PLCH1: variants seen among roughly 807,000 people sequenced by gnomAD.
PLCH1 encodes 1-phosphatidylinositol 4,5-bisphosphate phosphodiesterase eta-1.
PLCH1 carries 60 observed loss-of-function variants against 126.7 expected under a neutral mutation model. The ratio of observed to expected loss-of-function variants is 0.47; its 90% CI spans 0.38 to 0.59. The LOEUF (loss-of-function observed/expected upper bound fraction) is 0.59, where lower values mean the gene tolerates loss of function less well. Among genes scored for constraint, PLCH1 ranks in the 20% least tolerant of loss-of-function variants. The probability of loss-of-function intolerance (pLI) is 0.00; values close to 1 mark genes in which losing one functional copy is unlikely to be tolerated. For missense variants in PLCH1, 1,723 were observed against 2,040.0 expected (o/e 0.84, Z 2.99); for synonymous variants, 719 against 734.9 (o/e 0.98, Z 0.35).
intron 21 of PLCH1, among the ~76,000 whole-genome samples, chr3:155,472,531 C>T (rs1244431893): frequency 7.3e-5 from 11 of 151,540 alleles, no homozygotes; most frequent in African/African-American, 2.7e-4. Flanking sequence ...CCTTCTGAAA[C>T]TATTCCAATC....
chr3:155,646,575 T>G (rs1399721814), intron 2 of PLCH1, among the ~76,000 whole-genome samples: 1 of 152,198 alleles, frequency 6.6e-6, no homozygotes, highest in Non-Finnish European at 1.5e-5. Flanking sequence ...TAATGAGAGT[T>G]CCCTAAAGTC....
intron 1 of PLCH1, among the ~76,000 whole-genome samples, chr3:155,710,909 A>C (rs1669582983): frequency 6.6e-6 from 1 of 151,958 alleles, no homozygotes; most frequent in Non-Finnish European, 1.5e-5. Flanking sequence ...AAACTAAAAA[A>C]AAAAAATGTT....
chr3:155,680,938 A>G (rs972820496), intron 2 of PLCH1, among the ~76,000 whole-genome samples: 1 of 152,172 alleles, frequency 6.6e-6, no homozygotes, highest in Non-Finnish European at 1.5e-5. Flanking sequence ...ATACTAAGTG[A>G]AAAAAGGAGG....
chr3:155,564,589 A>T (rs536112305), intron 8 of PLCH1, among the ~76,000 whole-genome samples: 174 of 152,238 alleles, frequency 1.1e-3, no homozygotes, highest in African/African-American at 4.1e-3. Flanking sequence ...TTAAAAAATT[A>T]AAAAATAAAA....
intron 2 of PLCH1, among the ~76,000 whole-genome samples, chr3:155,597,762 C>T (rs1484639240): frequency 2.6e-5 from 4 of 152,090 alleles, no homozygotes; most frequent in Non-Finnish European, 4.4e-5. Context: ...CTTTCCTTTC[C>T]TCAAAGAAAT....
intron 6 of PLCH1, among the ~76,000 whole-genome samples, chr3:155,577,189 G>T (rs1730081855): frequency 6.6e-6 from 1 of 152,116 alleles, no homozygotes; most frequent in East Asian, 1.9e-4. Flanking sequence ...GAGCTCAGGA[G>T]TTGGAGTTTA....
intron 2 of PLCH1, among the ~76,000 whole-genome samples, chr3:155,655,748 G>T (rs1019576407): frequency 6.6e-6 from 1 of 152,212 alleles, no homozygotes; most frequent in East Asian, 1.9e-4. Flanking sequence ...TGGGGACTTA[G>T]GAGTGGTAGA....
At chr3:155,595,458 G>T (rs1732864337) in intron 3 of PLCH1, among the ~76,000 whole-genome samples, 1 of 152,130 alleles carries the variant, frequency 6.6e-6, no homozygotes. Flanking sequence ...ACAGGGAAAT[G>T]AGCCTATGCT....
intron 2 of PLCH1, among the ~76,000 whole-genome samples, chr3:155,644,539 G>GTCCT (rs1321008180): frequency 1.3e-5 from 2 of 152,160 alleles, no homozygotes; most frequent in Non-Finnish European, 2.9e-5. Context: ...GGAGGCGGAA[G>GTCCT]TTGCAGAGAG....
At chr3:155,529,516 C>A (rs1243237555) in intron 10 of PLCH1, among the ~76,000 whole-genome samples, 1 of 151,980 alleles carries the variant, frequency 6.6e-6, no homozygotes, top group Non-Finnish European at 1.5e-5. Context: ...TTTGGTCTCC[C>A]AGTGAATATA....
chr3:155,700,915 T>C (rs1461483580), intron 2 of PLCH1, among the ~76,000 whole-genome samples: 2 of 152,210 alleles, frequency 1.3e-5, no homozygotes, highest in African/African-American at 4.8e-5. Context: ...TGCAAACATA[T>C]CAGAAGAATA....
downstream of PLCH1, among the ~76,000 whole-genome samples, chr3:155,478,044 C>G (rs1476820552): frequency 6.6e-6 from 1 of 152,214 alleles, no homozygotes; most frequent in Non-Finnish European, 1.5e-5. Flanking sequence ...GGTACATATA[C>G]ACAATGGAGT....
At chr3:155,646,971 C>T (rs1378783380) in intron 2 of PLCH1, among the ~76,000 whole-genome samples, 1 of 152,140 alleles carries the variant, frequency 6.6e-6, no homozygotes, top group African/African-American at 2.4e-5. Flanking sequence ...TCCAATTCCC[C>T]ACCCCATGGA....
intron 4 of PLCH1, among the ~76,000 whole-genome samples, chr3:155,589,003 T>C (rs950171778): frequency 2.6e-5 from 4 of 152,218 alleles, no homozygotes; most frequent in Non-Finnish European, 4.4e-5. Context: ...AATTAAGATA[T>C]GAGTGTCCAA....
At chr3:155,665,805 A>G (rs1199064941) in intron 2 of PLCH1, among the ~76,000 whole-genome samples, 2 of 152,266 alleles carry the variant, frequency 1.3e-5, no homozygotes, top group African/African-American at 4.8e-5. Flanking sequence ...TATGAAGAAG[A>G]AAATAAATCA....
intron 2 of PLCH1, among the ~76,000 whole-genome samples, 178 bp downstream of exon 2, chr3:155,703,968 T>G (rs188742475): frequency 6.6e-6 from 1 of 152,216 alleles, no homozygotes; most frequent in East Asian, 1.9e-4. Flanking sequence ...GCCCATTCCT[T>G]ACAAGTGGAG....
At chr3:155,575,945 T>C (rs952960412) in intron 6 of PLCH1, among the ~76,000 whole-genome samples, 1 of 152,194 alleles carries the variant, frequency 6.6e-6, no homozygotes, top group African/African-American at 2.4e-5. Flanking sequence ...TGGGCCTGGC[T>C]AGGAGGATTT....
intron 2 of PLCH1, among the ~76,000 whole-genome samples, chr3:155,663,781 C>A (rs908550770): frequency 1.3e-5 from 2 of 152,110 alleles, no homozygotes; most frequent in Admixed American, 1.3e-4. Context: ...TCTCTACATG[C>A]TAAATGCTGA....
At chr3:155,520,615 A>G (rs1386009442) in intron 11 of PLCH1, among the ~76,000 whole-genome samples, 2 of 152,256 alleles carry the variant, frequency 1.3e-5, no homozygotes, top group Non-Finnish European at 2.9e-5. Flanking sequence ...GAAAGTGTGT[A>G]GAGCACACTG....
Sources: gnomAD v4.1 joint callset for allele counts (sites outside exome capture counted in the v4.1 genomes callset) on GRCh38, gnomAD v4.1.1 for gene constraint, MANE v1.5 for transcripts, NCBI Gene and HGNC (gene_info 2026-07-23, HGNC 2026-07-21) for gene names.